Variants in KCTD8 observed in about 807,000 individuals in gnomAD.
The protein encoded by KCTD8 is BTB/POZ domain-containing protein KCTD8.
A neutral mutation model predicts 31.5 loss-of-function variants in KCTD8; 27 were observed. The ratio of observed to expected loss-of-function variants is 0.86; its 90% CI spans 0.63 to 1.18. KCTD8 has a LOEUF of 1.18. Among genes scored for constraint, KCTD8 ranks in the 50% most tolerant of loss-of-function variants. KCTD8 has a pLI of 0.00. For missense variants in KCTD8, 658 were observed against 647.7 expected (o/e 1.02, Z -0.17); for synonymous variants, 290 against 280.0 (o/e 1.04, Z -0.36).
At chr4:44,205,167 T>G (rs1714266103) in intron 1 of KCTD8, among the ~76,000 whole-genome samples, 1 of 152,170 alleles carries the variant, frequency 6.6e-6, no homozygotes, top group Non-Finnish European at 1.5e-5. Context: ...CTTGACAAAC[T>G]GATCCTAAAT....
chr4:44,215,693 G>T (rs28410425), intron 1 of KCTD8, among the ~76,000 whole-genome samples: 36,656 of 152,026 alleles, frequency 0.24, 4,528 homozygotes, highest in South Asian at 0.33. Context: ...TTCCCAATTT[G>T]TAACAAATCA....
At position 44,398,366 on chromosome 4, in the gene KCTD8, G is replaced by A. The variant is rs146415783; in HGVS notation, c.961+49197C>T. On this transcript the variant is annotated intron_variant, in intron 1 of 1. Coordinates refer to ENST00000360029, the MANE Select transcript of KCTD8 (RefSeq NM_198353.3). ...GTCCTGAAAGGATTAGATTCTGTAT[G>A]CCACTTCTCAGGAGAAATAAAACAA... Among the ~76,000 whole-genome samples the A allele has an allele frequency of 2.5e-3, 385 of 152,278 alleles. 4 individuals carry two copies. In the Middle Eastern group the frequency reaches 0.031, roughly 12 times the overall value.
chr4:44,428,194 G>T (rs1721392854), intron 1 of KCTD8, among the ~76,000 whole-genome samples: 1 of 151,468 alleles, frequency 6.6e-6, no homozygotes, highest in Non-Finnish European at 1.5e-5. Flanking sequence ...TTTTTTAAAT[G>T]TTACATTTAA....
chr4:44,432,506 A>G (rs1313156537), intron 1 of KCTD8, among the ~76,000 whole-genome samples: 1 of 151,680 alleles, frequency 6.6e-6, no homozygotes, highest in Non-Finnish European at 1.5e-5. Flanking sequence ...TCAGTAGGGA[A>G]CAAATGCTCA....
At chr4:44,268,056 A>G (rs186590919) in intron 1 of KCTD8, among the ~76,000 whole-genome samples, 2 of 152,364 alleles carry the variant, frequency 1.3e-5, no homozygotes, top group African/African-American at 4.8e-5. Flanking sequence ...AGCCAGCATC[A>G]TCCTGATTCC....
At chr4:44,175,280 G>A (rs773250649) in intron 1 of KCTD8, 30 bp from the exon 2 acceptor site, 19 of 1,318,248 alleles carry the variant, frequency 1.4e-5, no homozygotes, top group Middle Eastern at 4.0e-4. Flanking sequence ...AAGAAGAAGA[G>A]TAGAACAGTT....
intron 1 of KCTD8, among the ~76,000 whole-genome samples, chr4:44,391,727 T>C (rs1720380128): frequency 6.6e-6 from 1 of 151,926 alleles, no homozygotes; most frequent in Non-Finnish European, 1.5e-5. Context: ...TCGAAGTTTT[T>C]GACTGCATGG....
At chr4:44,343,623 T>G (rs1015573454) in intron 1 of KCTD8, among the ~76,000 whole-genome samples, 1 of 152,176 alleles carries the variant, frequency 6.6e-6, no homozygotes, top group Non-Finnish European at 1.5e-5. Context: ...TACAATAAAG[T>G]GAAGTCCATT....
At chr4:44,336,737 A>G (rs185065706) in intron 1 of KCTD8, among the ~76,000 whole-genome samples, 25 of 152,250 alleles carry the variant, frequency 1.6e-4, no homozygotes, top group Admixed American at 1.6e-3. Flanking sequence ...AAACAGTCAT[A>G]ATATAATGAA....
intron 1 of KCTD8, among the ~76,000 whole-genome samples, chr4:44,266,849 C>T (rs1716386353): frequency 1.3e-5 from 2 of 151,898 alleles, no homozygotes; most frequent in African/African-American, 4.8e-5. Flanking sequence ...GCTAACTATC[C>T]TAAATATATA....
At chr4:44,214,267 C>CA (rs766609157) in intron 1 of KCTD8, among the ~76,000 whole-genome samples, 1 of 152,144 alleles carries the variant, frequency 6.6e-6, no homozygotes, top group Non-Finnish European at 1.5e-5. Context: ...GTAGCCCAGC[C>CA]AAAGGAGCTA....
At chr4:44,394,167 C>G (rs985847138) in intron 1 of KCTD8, among the ~76,000 whole-genome samples, 3 of 151,910 alleles carry the variant, frequency 2.0e-5, no homozygotes, top group African/African-American at 7.2e-5. Context: ...TGATTCAGAA[C>G]AAAAAATATA....
chr4:44,435,045 G>T (rs1043828671), intron 1 of KCTD8, among the ~76,000 whole-genome samples: 29 of 152,110 alleles, frequency 1.9e-4, no homozygotes, highest in African/African-American at 6.7e-4. Flanking sequence ...CAAATAGCTT[G>T]CATAGAACTT....
At chr4:44,368,283 A>G (rs948378516) in intron 1 of KCTD8, among the ~76,000 whole-genome samples, 1 of 152,184 alleles carries the variant, frequency 6.6e-6, no homozygotes, top group Non-Finnish European at 1.5e-5. Flanking sequence ...AGTCTGAGGC[A>G]GGAGAATTGC....
At chr4:44,447,445 TAAGGA>T in intron 1 of KCTD8, 113 bp downstream of exon 1, 1 of 1,411,274 alleles carries the variant, frequency 7.1e-7, no homozygotes, top group South Asian at 1.6e-5. Context: ...CCGCTCTCTA[TAAGGA>T]GTTAACCAGC....
chr4:44,395,266 G>A (rs763263193), intron 1 of KCTD8, among the ~76,000 whole-genome samples: 21 of 152,062 alleles, frequency 1.4e-4, no homozygotes, highest in Non-Finnish European at 2.8e-4. Context: ...AATACAGGGT[G>A]GTCACAGGAG....
chr4:44,203,530 A>G (rs1714214225), intron 1 of KCTD8, among the ~76,000 whole-genome samples: 1 of 151,474 alleles, frequency 6.6e-6, no homozygotes, highest in African/African-American at 2.4e-5. Context: ...AAAAAAATAA[A>G]TGAGCTAAGC....
At chr4:44,445,722 T>C (rs568779073) in intron 1 of KCTD8, among the ~76,000 whole-genome samples, 1 of 152,286 alleles carries the variant, frequency 6.6e-6, no homozygotes, top group South Asian at 2.1e-4. Context: ...AGAACATTCA[T>C]GCTTGTATCT....
intron 1 of KCTD8, among the ~76,000 whole-genome samples, chr4:44,286,578 G>T (rs919235876): frequency 6.6e-6 from 1 of 152,026 alleles, no homozygotes; most frequent in African/African-American, 2.4e-5. Flanking sequence ...ATGTAGCTGG[G>T]CATGTGGATG....
Sources: allele counts gnomAD v4.1 joint callset (sites outside exome capture counted in the v4.1 genomes callset), GRCh38; gene constraint gnomAD v4.1.1; transcripts MANE v1.5; gene names NCBI Gene and HGNC (gene_info 2026-07-23, HGNC 2026-07-21).